Variants in VSTM5 observed in about 807,000 individuals in gnomAD.
VSTM5 encodes V-set and transmembrane domain containing 5.
In VSTM5, 21 loss-of-function variants were observed where a neutral mutation model predicts 20.3. The ratio of observed to expected loss-of-function variants is 1.03; its 90% CI spans 0.73 to 1.49. The LOEUF is 1.49. Among genes scored for constraint, VSTM5 ranks in the 40% most tolerant of loss-of-function variants. The probability of loss-of-function intolerance (pLI) is 0.00; values close to 1 mark genes in which losing one functional copy is unlikely to be tolerated. For missense variants in VSTM5, 219 were observed against 250.0 expected, an observed-to-expected ratio of 0.88 and a Z score of 0.84; for synonymous variants, 100 against 102.5, an observed-to-expected ratio of 0.98 and a Z score of 0.14.
At chr11:93,850,292 G>A in intron 1 of VSTM5, 120 bp downstream of exon 1, 2 of 766,740 alleles carry the variant, frequency 2.6e-6, no homozygotes. Flanking sequence ...CTCACCGCGC[G>A]CCCTCAGCCG....
At chr11:93,840,467 C>T (rs1439979477) in intron 1 of VSTM5, among the ~76,000 whole-genome samples, 1 of 152,180 alleles carries the variant, frequency 6.6e-6, no homozygotes, top group Non-Finnish European at 1.5e-5. Flanking sequence ...TTACAGCAGG[C>T]ACAACGCCTG....
At chr11:93,837,941 GC>G (rs1175042430) in intron 1 of VSTM5, among the ~76,000 whole-genome samples, 1 of 151,702 alleles carries the variant, frequency 6.6e-6, no homozygotes, top group East Asian at 1.9e-4. Context: ...AGCAACGGGG[GC>G]CAAGAGATCT....
intron 1 of VSTM5, among the ~76,000 whole-genome samples, chr11:93,838,197 C>A (rs905061077): frequency 6.6e-6 from 1 of 152,176 alleles, no homozygotes; most frequent in Admixed American, 6.5e-5. Context: ...AAAAGTCAGG[C>A]GTGGTGGCTC....
At position 93,850,432 on chromosome 11, in the gene VSTM5, G is replaced by A. The variant is rs1035725751; in HGVS notation, c.71C>T (p.Ala24Val). 2.9e-5 allele frequency: 45 copies of A among 1,549,156 alleles called. No individual in the cohort carries two copies. Among genetic ancestry groups the A allele is most frequent in the Middle Eastern group, 1.7e-4 (1 of 5,998 alleles). Reference protein sequence around the residue: ...ISLGLFALCLAAARCLQSQGV... With the variant: ...ISLGLFALCLVAARCLQSQGV... ...CTTACTCTGCAGACAGCGGGCTGCGGCCAGGCAGAGGGCGAAGAGTCCTAG... is the reference window on the plus strand; with the variant it reads ...CTTACTCTGCAGACAGCGGGCTGCGACCAGGCAGAGGGCGAAGAGTCCTAG... The change falls in exon 1 of 4, where the codon GCC (alanine) becomes GTC (valine). Residue 24 changes from alanine (A) to valine (V), a missense_variant. By Grantham distance (64) the Ala-to-Val change is moderately conservative. Coordinates refer to ENST00000409977, the MANE Select transcript of VSTM5 (RefSeq NM_001144871.2).
intron 1 of VSTM5, among the ~76,000 whole-genome samples, chr11:93,841,696 C>G (rs1007711403): frequency 1.3e-5 from 2 of 152,338 alleles, no homozygotes; most frequent in Non-Finnish European, 1.5e-5. Flanking sequence ...CCTCAGGGTC[C>G]CAGGAGGCCA....
intron 1 of VSTM5, among the ~76,000 whole-genome samples, chr11:93,846,770 T>A (rs1171069086): frequency 1.1e-4 from 10 of 87,040 alleles, no homozygotes; most frequent in African/African-American, 4.8e-4. Context: ...TTTTTAATTT[T>A]TTTTTTTTTT....
At chr11:93,826,666 T>TG (rs1944241656) in intron 1 of VSTM5, among the ~76,000 whole-genome samples, 1 of 152,158 alleles carries the variant, frequency 6.6e-6, no homozygotes, top group Non-Finnish European at 1.5e-5. Flanking sequence ...CCCAAAGCGC[T>TG]GGGATTACAA....
chr11:93,844,460 C>T (rs1944396586), intron 1 of VSTM5, among the ~76,000 whole-genome samples: 1 of 152,150 alleles, frequency 6.6e-6, no homozygotes, highest in Admixed American at 6.5e-5. Flanking sequence ...AGGAATTATT[C>T]CAGCACCTTT....
intron 1 of VSTM5, among the ~76,000 whole-genome samples, chr11:93,828,789 A>G (rs1160927308): frequency 6.6e-6 from 1 of 152,240 alleles, no homozygotes; most frequent in Non-Finnish European, 1.5e-5. Flanking sequence ...AGCAGCTAGC[A>G]TATAGGTCTC....
intron 1 of VSTM5, among the ~76,000 whole-genome samples, chr11:93,846,136 G>A (rs1391173490): frequency 6.6e-6 from 1 of 152,106 alleles, no homozygotes; most frequent in East Asian, 1.9e-4. Context: ...GACTGCAGGT[G>A]TGTGCCACTG....
chr11:93,847,912 A>G (rs1288975248), intron 1 of VSTM5, among the ~76,000 whole-genome samples: 6 of 152,158 alleles, frequency 3.9e-5, no homozygotes, highest in Non-Finnish European at 5.9e-5. Flanking sequence ...GCTTGCTAAT[A>G]TGCATTTTCT....
intron 1 of VSTM5, among the ~76,000 whole-genome samples, chr11:93,829,301 C>A (rs1425975508): frequency 1.3e-5 from 2 of 152,160 alleles, no homozygotes; most frequent in African/African-American, 4.8e-5. Flanking sequence ...CCAAGGTGGG[C>A]AGATCACCTG....
At position 93,820,525 on chromosome 11, in the gene VSTM5, A is replaced by C; in HGVS notation, c.*44T>G. On this transcript the variant is annotated 3_prime_UTR_variant, in exon 4 of 4. Coordinates refer to ENST00000409977, the MANE Select transcript of VSTM5 (RefSeq NM_001144871.2). ...CTGTGCTTGCTCTTTTTGTTGGAGA[A>C]TGGTTTCCTCTTGAGGTAGGAATGC... 6.5e-7 allele frequency: 1 copy of C among 1,549,546 alleles called. No homozygotes were observed. Among genetic ancestry groups the C allele is most frequent in the Non-Finnish European group, 8.7e-7 (1 of 1,145,352 alleles).
intron 1 of VSTM5, among the ~76,000 whole-genome samples, chr11:93,836,657 G>C (rs946745924): frequency 6.6e-6 from 1 of 152,144 alleles, no homozygotes; most frequent in Admixed American, 6.5e-5. Context: ...GTCTCTTCTT[G>C]TATGTTTTCA....
At chr11:93,843,554 G>A (rs943930281) in intron 1 of VSTM5, among the ~76,000 whole-genome samples, 1 of 152,112 alleles carries the variant, frequency 6.6e-6, no homozygotes, top group East Asian at 1.9e-4. Flanking sequence ...AGGACTAATG[G>A]CATCTCGTTG....
rs139467388 is a variant in VSTM5 at position 93,822,552 on chromosome 11, C to T, written c.92-1229G>A. On this transcript the variant is annotated intron_variant, in intron 1 of 3. Coordinates refer to ENST00000409977, the MANE Select transcript of VSTM5 (RefSeq NM_001144871.2). Reference sequence around the variant, plus strand: ...AGGCTGGAGTGCTGAGTCACAATCTCGGCTCACTCAACCTCCGCCTCTTGG... The same window carrying T: ...AGGCTGGAGTGCTGAGTCACAATCTTGGCTCACTCAACCTCCGCCTCTTGG... Among the ~76,000 whole-genome samples, 85 of 152,282 alleles carry T rather than the reference C, an allele frequency of 5.6e-4. 2 individuals are homozygous for T. The East Asian group carries it at 0.015, about 27-fold the overall frequency.
Position 93,821,125 on chromosome 11 carries a change from A to T in VSTM5, c.290T>A (p.Val97Asp). Residue 97 changes from valine (V) to aspartate (D), a missense_variant, in exon 2 of 4, where the codon GTC becomes GAC. Coordinates refer to ENST00000409977, the MANE Select transcript of VSTM5 (RefSeq NM_001144871.2). The stretch of plus-strand genomic sequence containing the variant: ...GATGGAGCCGTTGTCAAAGGTGCAG[A>T]CTCTGTCCTTGTGGCTTTGAGAGAT... ...ANISQSHKDR[V>D]CTFDNGSIQL... 3.2e-6 allele frequency: 5 copies of T among 1,551,616 alleles called. No individual in the cohort carries two copies. Among genetic ancestry groups the T allele is most frequent in the Non-Finnish European group, 3.5e-6 (4 of 1,146,980 alleles).
At chr11:93,826,491 G>A (rs975493196) in intron 1 of VSTM5, among the ~76,000 whole-genome samples, 3 of 151,670 alleles carry the variant, frequency 2.0e-5, no homozygotes, top group African/African-American at 4.8e-5. Context: ...TCCACCTCCC[G>A]GGTTCGTGCC....
chr11:93,836,491 G>C (rs1023239631), intron 1 of VSTM5, among the ~76,000 whole-genome samples: 1 of 152,164 alleles, frequency 6.6e-6, no homozygotes, highest in African/African-American at 2.4e-5. Context: ...CCTTTCTTCA[G>C]CCCCTTGGAT....
Sources: gnomAD v4.1 joint callset for allele counts (sites outside exome capture counted in the v4.1 genomes callset) on GRCh38, gnomAD v4.1.1 for gene constraint, MANE v1.5 for transcripts, NCBI Gene and HGNC (gene_info 2026-07-23, HGNC 2026-07-21) for gene names.